The following PPFIA2 variants were observed in gnomAD, a reference collection of about 807,000 sequenced individuals.
PPFIA2 encodes liprin-alpha-2.
A neutral mutation model predicts 175.5 loss-of-function variants in PPFIA2; 46 were observed. That is an observed-to-expected ratio of 0.26 (90% confidence interval 0.21 to 0.34). The LOEUF (loss-of-function observed/expected upper bound fraction) is 0.34. Among genes scored for constraint, PPFIA2 ranks in the 10% least tolerant of loss-of-function variants. PPFIA2 has a pLI of 1.00. For missense variants in PPFIA2, 1,179 were observed against 1,506.1 expected (o/e 0.78, Z 3.60); for synonymous variants, 568 against 511.4 (o/e 1.11, Z -1.49).
intron 22 of PPFIA2, among the ~76,000 whole-genome samples, chr12:81,309,862 CT>C (rs1337645515): frequency 6.6e-6 from 1 of 152,004 alleles, no homozygotes; most frequent in Non-Finnish European, 1.5e-5. Context: ...AAATACCCCC[CT>C]GACACACACA....
At chr12:81,315,974 CT>C in intron 22 of PPFIA2, among the ~76,000 whole-genome samples, 1 of 151,696 alleles carries the variant, frequency 6.6e-6, no homozygotes, top group Non-Finnish European at 1.5e-5. Flanking sequence ...CTTTATTGCT[CT>C]AAGAATTTTG....
In PPFIA2 at chr12:81,353,319, G is replaced by A. The variant is rs375047499; in HGVS notation, c.1794C>T (p.His598=). 146 of 1,612,824 alleles carry A rather than the reference G, an allele frequency of 9.1e-5. No homozygotes were observed. Among genetic ancestry groups the A allele is most frequent in the Non-Finnish European group, 1.2e-4 (138 of 1,179,212 alleles). The change falls in exon 17 of 33, where the codon CAC becomes CAT. Residue 598 remains histidine (H), a synonymous_variant. Coordinates refer to ENST00000549396, the MANE Select transcript of PPFIA2 (RefSeq NM_003625.5). ...CAATCTGTTGAGTTCTATTCCACTC[G>A]TGATCCCCAAGAGATTTCACCTGAA... is the stretch of plus-strand genomic sequence containing the variant. ...DEPKVKSLGD[H]EWNRTQQIGV...
At chr12:81,492,786 C>T (rs1407966456) in intron 4 of PPFIA2, among the ~76,000 whole-genome samples, 1 of 151,972 alleles carries the variant, frequency 6.6e-6, no homozygotes, top group Non-Finnish European at 1.5e-5. Flanking sequence ...GGTCAGATTT[C>T]TGTATAAATG....
intron 3 of PPFIA2, among the ~76,000 whole-genome samples, chr12:81,718,116 T>C (rs987807300): frequency 1.3e-5 from 2 of 151,602 alleles, no homozygotes; most frequent in Non-Finnish European, 3.0e-5. Context: ...CATCATCCAC[T>C]ACAGAAGGGT....
chr12:81,734,061 C>T (rs971517105), intron 3 of PPFIA2, among the ~76,000 whole-genome samples: 1 of 151,784 alleles, frequency 6.6e-6, no homozygotes, highest in Non-Finnish European at 1.5e-5. Flanking sequence ...AGAAGATAAT[C>T]AGCACCTGTC....
intron 22 of PPFIA2, among the ~76,000 whole-genome samples, chr12:81,301,365 C>T (rs569929463): frequency 1.3e-4 from 20 of 152,184 alleles, no homozygotes; most frequent in African/African-American, 4.6e-4. Flanking sequence ...TTAGTTTTTG[C>T]TTCACATAGT....
At chr12:81,687,743 A>T (rs984420867) in intron 3 of PPFIA2, among the ~76,000 whole-genome samples, 1 of 151,920 alleles carries the variant, frequency 6.6e-6, no homozygotes, top group African/African-American at 2.4e-5. Flanking sequence ...CACAAATTAG[A>T]AAGGTTTGGA....
intron 4 of PPFIA2, among the ~76,000 whole-genome samples, chr12:81,468,128 T>TTA (rs2056056773): frequency 6.6e-6 from 1 of 152,202 alleles, no homozygotes; most frequent in African/African-American, 2.4e-5. Context: ...TGTTCTGGTC[T>TTA]TATTGTATGA....
Position 81,457,852 on chromosome 12 carries a change from C to T in PPFIA2, c.318G>A (p.Leu106=), listed in dbSNP as rs1357988756. The part of the protein sequence containing the change: ...KGADPPEFAA[L]TKELNACREQ... ...CCCTGCAGGCATTTAATTCTTTTGT[C>T]AGTGCAGCAAATTCCTGGAAAAGTA... Residue 106 remains leucine, a synonymous_variant, in exon 5 of 33, where the codon CTG becomes CTA. Transcript: ENST00000549396. The T allele has an allele frequency of 6.3e-7, 1 of 1,598,610 alleles. No homozygotes were observed. Among genetic ancestry groups the T allele is most frequent in the South Asian group, 1.1e-5 (1 of 87,738 alleles).
chr12:81,758,696 A>G (rs2153672219), intron 1 of PPFIA2, 189 bp from the exon 2 acceptor site: 2 of 252,110 alleles, frequency 7.9e-6, no homozygotes, highest in Admixed American at 4.7e-5. Context: ...AGCTCGGTTC[A>G]GACCATTGTC....
At chr12:81,371,798 T>C (rs896599963) in intron 11 of PPFIA2, among the ~76,000 whole-genome samples, 1 of 151,806 alleles carries the variant, frequency 6.6e-6, no homozygotes, top group Non-Finnish European at 1.5e-5. Flanking sequence ...TATTGGTTAA[T>C]TGCGTATAAA....
At chr12:81,708,891 C>G (rs550711813) in intron 3 of PPFIA2, among the ~76,000 whole-genome samples, 1 of 152,156 alleles carries the variant, frequency 6.6e-6, no homozygotes, top group African/African-American at 2.4e-5. Context: ...AGTGTTGTTT[C>G]AGGCAGGCAA....
intron 3 of PPFIA2, among the ~76,000 whole-genome samples, chr12:81,736,308 C>T (rs1291578109): frequency 6.6e-6 from 1 of 151,898 alleles, no homozygotes; most frequent in Non-Finnish European, 1.5e-5. Flanking sequence ...ATTTTAGATG[C>T]TATTATAGAT....
intron 3 of PPFIA2, among the ~76,000 whole-genome samples, chr12:81,679,582 G>A (rs1470741658): frequency 6.6e-6 from 1 of 151,822 alleles, no homozygotes; most frequent in East Asian, 1.9e-4. Context: ...AATGAAAAGG[G>A]CAATAAATTT....
At chr12:81,338,474 A>T (rs1174381994) in intron 21 of PPFIA2, among the ~76,000 whole-genome samples, 1 of 152,056 alleles carries the variant, frequency 6.6e-6, no homozygotes, top group Admixed American at 6.6e-5. Flanking sequence ...ACTGATCTAC[A>T]TTTTTATTCT....
intron 8 of PPFIA2, among the ~76,000 whole-genome samples, chr12:81,400,785 C>T (rs2041973687): frequency 6.6e-6 from 1 of 152,116 alleles, no homozygotes. Flanking sequence ...GATAAGCAAA[C>T]AGGCCTGGGA....
intron 22 of PPFIA2, among the ~76,000 whole-genome samples, chr12:81,311,225 G>C (rs1365761030): frequency 2.0e-5 from 3 of 152,110 alleles, no homozygotes; most frequent in Non-Finnish European, 4.4e-5. Flanking sequence ...GCCATTATCT[G>C]AGTAATTCAG....
intron 7 of PPFIA2, among the ~76,000 whole-genome samples, chr12:81,428,913 G>T (rs916505805): frequency 2.0e-5 from 3 of 151,926 alleles, no homozygotes; most frequent in Admixed American, 2.0e-4. Context: ...GAGCTCCAAG[G>T]GTGTCACTGT....
intron 7 of PPFIA2, among the ~76,000 whole-genome samples, chr12:81,410,650 T>C (rs2043771038): frequency 6.6e-6 from 1 of 152,074 alleles, no homozygotes; most frequent in Admixed American, 6.6e-5. Flanking sequence ...ACATCTTATA[T>C]TTTCACTGGA....
Sources: gnomAD v4.1 joint callset for allele counts (sites outside exome capture counted in the v4.1 genomes callset) on GRCh38, gnomAD v4.1.1 for gene constraint, MANE v1.5 for transcripts, NCBI Gene and HGNC (gene_info 2026-07-23, HGNC 2026-07-21) for gene names.